Variants in DGKG observed in about 807,000 individuals in gnomAD.
The protein encoded by DGKG is DAG kinase gamma.
Under a neutral mutation model 105.3 loss-of-function variants are expected in DGKG, and 78 were observed. That is an observed-to-expected ratio of 0.74 (90% CI 0.62 to 0.89). The LOEUF (loss-of-function observed/expected upper bound fraction) is 0.89, where lower values mean the gene tolerates loss of function less well. Among genes scored for constraint, DGKG ranks in the 40% least tolerant of loss-of-function variants. The probability of loss-of-function intolerance (pLI) is 0.00; values close to 1 mark genes in which losing one functional copy is unlikely to be tolerated. For synonymous variants in DGKG, 346 were observed against 367.1 expected, an observed-to-expected ratio of 0.94 and a Z score of 0.66; for missense variants, 958 against 1,020.1, an observed-to-expected ratio of 0.94 and a Z score of 0.83.
At chr3:186,201,157 C>CT (rs571499704) in intron 21 of DGKG, among the ~76,000 whole-genome samples, 3,102 of 145,502 alleles carry the variant, frequency 0.021, 43 homozygotes, top group Non-Finnish European at 0.034. Context: ...CTCTTTCTTT[C>CT]TTTTTTTTTT....
At chr3:186,215,448 A>G (rs2108524054) in intron 20 of DGKG, among the ~76,000 whole-genome samples, 1 of 151,548 alleles carries the variant, frequency 6.6e-6, no homozygotes, top group South Asian at 2.1e-4. Flanking sequence ...ATAGGGAGTC[A>G]TGGACCATCC....
chr3:186,297,082 A>ACACACACACACG, intron 5 of DGKG, among the ~76,000 whole-genome samples: 1 of 141,206 alleles, frequency 7.1e-6, no homozygotes, highest in Non-Finnish European at 1.5e-5. Context: ...ACACACACAC[A>ACACACACACACG]CACACACACA....
intron 15 of DGKG, 57 bp downstream of exon 15, chr3:186,261,642 G>T: frequency 8.0e-7 from 1 of 1,244,478 alleles, no homozygotes; most frequent in Non-Finnish European, 1.2e-6. Context: ...CCAAGGGGAG[G>T]AAGGGCCTGA....
intron 1 of DGKG, among the ~76,000 whole-genome samples, chr3:186,336,189 C>CA (rs1725824781): frequency 6.6e-6 from 1 of 152,148 alleles, no homozygotes; most frequent in Non-Finnish European, 1.5e-5. Flanking sequence ...CATCTCAGTC[C>CA]AACTTCTCCC....
chr3:186,308,620 C>A (rs775190790), intron 2 of DGKG, among the ~76,000 whole-genome samples: 1 of 152,094 alleles, frequency 6.6e-6, no homozygotes, highest in Non-Finnish European at 1.5e-5. Context: ...AGGATTGAGA[C>A]ATATTGAAAT....
intron 14 of DGKG, 98 bp downstream of exon 14, chr3:186,265,149 T>C (rs901701387): frequency 4.6e-5 from 54 of 1,181,388 alleles, no homozygotes; most frequent in Non-Finnish European, 6.4e-5. Flanking sequence ...AGAAGGCAAA[T>C]GCTGAGATGC....
At chr3:186,353,690 ATATCTATATCTATAT>A (rs552114202) in intron 1 of DGKG, among the ~76,000 whole-genome samples, 2,678 of 128,712 alleles carry the variant, frequency 0.021, 63 homozygotes, top group African/African-American at 0.056. Context: ...ATCTATATCT[ATATCTATATCTATAT>A]AACAGTGGAC....
chr3:186,240,508 G>A (rs1030714298), intron 20 of DGKG, among the ~76,000 whole-genome samples: 2 of 152,176 alleles, frequency 1.3e-5, no homozygotes, highest in African/African-American at 2.4e-5. Context: ...GCATGAGTAC[G>A]TATAAGGATA....
intron 1 of DGKG, among the ~76,000 whole-genome samples, chr3:186,354,466 C>T (rs1198092252): frequency 1.3e-5 from 2 of 152,176 alleles, no homozygotes; most frequent in East Asian, 1.9e-4. Flanking sequence ...AAACTTCCAA[C>T]GCAAAACACA....
At position 186,275,530 on chromosome 3, in the gene DGKG, G is replaced by A. The variant is rs192452664; in HGVS notation, c.910+17C>T. ...AGATAGTGCCTGGGGGAAGAGGTTT[G>A]AAGGAAATTTACTCACAAGTGCAGC... On this transcript the variant is annotated intron_variant, in intron 10 of 24. Coordinates refer to ENST00000265022, the MANE Select transcript of DGKG (RefSeq NM_001346.3). 1.9e-6 allele frequency: 3 copies of A among 1,606,236 alleles called. No homozygotes were observed. The highest frequency in any genetic ancestry group is 1.7e-5 in the Admixed American group (1 of 60,008).
At chr3:186,239,589 C>T (rs1396684751) in intron 20 of DGKG, among the ~76,000 whole-genome samples, 1 of 152,284 alleles carries the variant, frequency 6.6e-6, no homozygotes, top group Non-Finnish European at 1.5e-5. Context: ...TAGACATGGG[C>T]GAATAGGCAG....
At chr3:186,230,587 A>T (rs1720105087) in intron 20 of DGKG, among the ~76,000 whole-genome samples, 1 of 152,120 alleles carries the variant, frequency 6.6e-6, no homozygotes, top group Admixed American at 6.5e-5. Context: ...TGGTGGAAGT[A>T]GGTGCTTGTG....
chr3:186,217,173 G>A (rs1719334232), intron 20 of DGKG, among the ~76,000 whole-genome samples: 1 of 152,148 alleles, frequency 6.6e-6, no homozygotes, highest in Non-Finnish European at 1.5e-5. Context: ...ATCGTAGGTG[G>A]CCCATATTTT....
chr3:186,334,015 C>T lies in DGKG; in HGVS notation c.-248-13308G>A, dbSNP rs529995929. On this transcript the variant is annotated intron_variant, in intron 1 of 24. Coordinates refer to ENST00000265022, the MANE Select transcript of DGKG (RefSeq NM_001346.3). ...AGTCATCATTCTCCACTTCATGAAG[C>T]GCTTGTGTTCTCCCTCCCCTCTCTC... Among the ~76,000 whole-genome samples, 8 of 152,220 alleles carry T rather than the reference C, an allele frequency of 5.3e-5. No homozygotes were observed. In the South Asian group the frequency reaches 6.2e-4, roughly 12 times the overall value.
intron 7 of DGKG, among the ~76,000 whole-genome samples, chr3:186,281,708 G>A (rs1254837906): frequency 6.6e-6 from 1 of 152,184 alleles, no homozygotes; most frequent in Non-Finnish European, 1.5e-5. Flanking sequence ...CACAAAGGTG[G>A]GGAAAGGTTT....
chr3:186,194,803 T>TAAAAAAAAG, intron 21 of DGKG, among the ~76,000 whole-genome samples: 1 of 105,402 alleles, frequency 9.5e-6, no homozygotes, highest in South Asian at 3.2e-4. Flanking sequence ...GGTCTTTCTT[T>TAAAAAAAAG]AAAAAAAAAA....
chr3:186,355,285 T>TACCAC (rs1726877733), intron 1 of DGKG, among the ~76,000 whole-genome samples: 1 of 24,886 alleles, frequency 4.0e-5, no homozygotes, highest in African/African-American at 2.8e-4. Context: ...AGCACGATCA[T>TACCAC]CATCACCACC....
Position 186,272,248 on chromosome 3 carries a change from C to A in DGKG, c.999+7G>T. 6.2e-7 allele frequency: 1 copy of A among 1,610,138 alleles called. No homozygotes were observed. The highest frequency in any genetic ancestry group is 1.1e-5 in the South Asian group (1 of 90,954). ...TGCAGTAGAACAAGGCAGTAGATGT[C>A]ACCAACCTCACCACTCCTTTTGGCT... is the stretch of plus-strand genomic sequence containing the variant. On this transcript the variant is annotated splice_region_variant and intron_variant, in intron 11 of 24. Coordinates refer to ENST00000265022, the MANE Select transcript of DGKG (RefSeq NM_001346.3).
intron 5 of DGKG, among the ~76,000 whole-genome samples, chr3:186,297,066 T>TCA (rs1352673652): frequency 2.5e-4 from 31 of 123,748 alleles, no homozygotes; most frequent in South Asian, 1.9e-3. Flanking sequence ...TGTCTGTCTC[T>TCA]CTCACACACA....
Sources: allele counts gnomAD v4.1 joint callset (sites outside exome capture counted in the v4.1 genomes callset), GRCh38; gene constraint gnomAD v4.1.1; transcripts MANE v1.5; gene names NCBI Gene and HGNC (gene_info 2026-07-23, HGNC 2026-07-21).